The following TMC3 variants were observed in gnomAD, a reference collection of about 807,000 sequenced individuals.
The protein encoded by TMC3 is transmembrane channel-like protein 3.
A neutral mutation model predicts 110.6 loss-of-function variants in TMC3; 98 were observed. The ratio of observed to expected loss-of-function variants is 0.89; its 90% CI spans 0.75 to 1.05. The LOEUF (loss-of-function observed/expected upper bound fraction) is 1.05. Among genes scored for constraint, TMC3 ranks in the 50% least tolerant of loss-of-function variants. The probability of loss-of-function intolerance (pLI) is 0.00; values close to 1 mark genes in which losing one functional copy is unlikely to be tolerated. For synonymous variants in TMC3, 489 were observed against 513.1 expected (o/e 0.95, Z 0.63); for missense variants, 1,319 against 1,373.2 (o/e 0.96, Z 0.62).
At chr15:81,367,650 G>A (rs917710680) in intron 3 of TMC3, among the ~76,000 whole-genome samples, 14 of 152,118 alleles carry the variant, frequency 9.2e-5, no homozygotes, top group African/African-American at 3.1e-4. Flanking sequence ...TCAAACCTAC[G>A]AATATGGGTG....
intron 7 of TMC3, among the ~76,000 whole-genome samples, chr15:81,357,354 A>C (rs781648631): frequency 2.0e-5 from 3 of 151,820 alleles, no homozygotes; most frequent in Non-Finnish European, 4.4e-5. Flanking sequence ...AACATGCCAC[A>C]AGGGGGTTGG....
chr15:81,338,193 T>G (rs1450014565), intron 18 of TMC3, among the ~76,000 whole-genome samples: 1 of 152,216 alleles, frequency 6.6e-6, no homozygotes, highest in Non-Finnish European at 1.5e-5. Context: ...AAGGAAGAAC[T>G]GAAAATGGGG....
chr15:81,368,336 A>C lies in TMC3; in HGVS notation c.237-8T>G. The C allele has an allele frequency of 1.2e-6, 2 of 1,610,948 alleles. No homozygotes were observed. Among genetic ancestry groups the C allele is most frequent in the Non-Finnish European group, 1.7e-6 (2 of 1,177,294 alleles). ...ACAATGTTCTTCGCTTGTCTAAGAGAAGAAAAACATGATGGTGAACACAAT... is the reference window on the plus strand; with the variant it reads ...ACAATGTTCTTCGCTTGTCTAAGAGCAGAAAAACATGATGGTGAACACAAT... On this transcript the variant is annotated splice_polypyrimidine_tract_variant and splice_region_variant and intron_variant, in intron 2 of 21. Coordinates refer to ENST00000359440, the MANE Select transcript of TMC3 (RefSeq NM_001080532.3).
At chr15:81,338,052 C>A in intron 18 of TMC3, 128 bp from the exon 19 acceptor site, 1 of 715,326 alleles carries the variant, frequency 1.4e-6, no homozygotes, top group South Asian at 1.6e-5. Context: ...TCCACTGACC[C>A]TCCGCTAAGG....
intron 1 of TMC3, among the ~76,000 whole-genome samples, chr15:81,373,495 T>G (rs1208651637): frequency 1.3e-5 from 2 of 152,202 alleles, no homozygotes; most frequent in African/African-American, 4.8e-5. Flanking sequence ...TTCATGTTGT[T>G]TTTACTCATT....
rs147014119 is a variant in TMC3 at position 81,337,966 on chromosome 15, G to A, written c.2082-42C>T. 2.3e-3 allele frequency: 3,437 copies of A among 1,475,646 alleles called. 54 individuals carry two copies. The African/African-American group carries it at 0.037, about 16-fold the overall frequency. 91.4% of individuals were successfully genotyped at this position (1,475,646 alleles called of 1,614,324 possible). On this transcript the variant is annotated intron_variant, in intron 18 of 21. Coordinates refer to ENST00000359440, the MANE Select transcript of TMC3 (RefSeq NM_001080532.3). The stretch of plus-strand genomic sequence containing the variant: ...CAGGACAATGAGTGGACTGCAACTC[G>A]CTTTTCTGCTTTTCAGACCACATTC...
In TMC3 at chr15:81,358,404, C is replaced by G. The variant is rs753601561; in HGVS notation, c.598G>C (p.Gly200Arg). 15 of 1,612,954 alleles carry G rather than the reference C, an allele frequency of 9.3e-6. No homozygotes were observed. Among genetic ancestry groups the G allele is most frequent in the Non-Finnish European group, 1.3e-5 (15 of 1,179,308 alleles). Residue 200 changes from glycine (G) to arginine (R), a missense_variant and splice_region_variant, in exon 6 of 22, where the codon GGG becomes CGG. Transcript: ENST00000359440. ...GTGTGGCCAAGCATCAATCTCACCC[C>G]CAGAGACCAGACGGTGTCCAGGTCT... is the stretch of plus-strand genomic sequence containing the variant. Reference protein sequence around the residue: ...AQDLDTVWSLGGYLQYSVLFY... With the variant: ...AQDLDTVWSLRGYLQYSVLFY...
chr15:81,345,023 G>A lies in TMC3; in HGVS notation c.1273-12C>T, dbSNP rs1004622355. 18 of 1,554,100 alleles carry A rather than the reference G, an allele frequency of 1.2e-5. No individual in the cohort carries two copies. Among genetic ancestry groups the A allele is most frequent in the Middle Eastern group, 3.3e-4 (2 of 6,010 alleles). On this transcript the variant is annotated splice_polypyrimidine_tract_variant and intron_variant, in intron 12 of 21. Coordinates refer to ENST00000359440, the MANE Select transcript of TMC3 (RefSeq NM_001080532.3). ...TTGGTAGCCATTTCCTGGGGAGAGAGAGAGAGAGAGAGAGGGAAGCAGGGG... is the reference window on the plus strand; with the variant it reads ...TTGGTAGCCATTTCCTGGGGAGAGAAAGAGAGAGAGAGAGGGAAGCAGGGG...
chr15:81,349,332 G>T, intron 11 of TMC3, 126 bp downstream of exon 11: 1 of 494,510 alleles, frequency 2.0e-6, no homozygotes, highest in South Asian at 8.0e-5. Context: ...GCATCCATAG[G>T]TAAAGTTCTG....
At chr15:81,343,111 G>C (rs1893749730) in intron 15 of TMC3, 167 bp downstream of exon 15, 1 of 485,120 alleles carries the variant, frequency 2.1e-6, no homozygotes, top group Admixed American at 3.5e-5. Flanking sequence ...AAAATTCTTA[G>C]GAAACCATTA....
At chr15:81,367,470 T>C (rs1894340613) in intron 3 of TMC3, among the ~76,000 whole-genome samples, 1 of 152,238 alleles carries the variant, frequency 6.6e-6, no homozygotes, top group South Asian at 2.1e-4. Context: ...TCTACACATT[T>C]ATGAAATGAC....
In TMC3 at chr15:81,365,878, C is replaced by G. The variant is rs779082384; in HGVS notation, c.312+2375G>C. Among the ~76,000 whole-genome samples, 103 of 152,032 alleles carry G rather than the reference C, an allele frequency of 6.8e-4. 1 individual carries two copies. The highest frequency in any genetic ancestry group is 9.6e-4 in the Non-Finnish European group (65 of 68,012). ...ATAGTTCATGAAAAGTATATTTATT[C>G]ATAGTATGTGTTAAGCACCTAGATT... On this transcript the variant is annotated intron_variant, in intron 3 of 21. Transcript: ENST00000359440.
chr15:81,338,192 C>T (rs1313397320), intron 18 of TMC3, among the ~76,000 whole-genome samples: 1 of 152,178 alleles, frequency 6.6e-6, no homozygotes, highest in East Asian at 1.9e-4. Context: ...TAAGGAAGAA[C>T]TGAAAATGGG....
chr15:81,361,593 T>C (rs894821610), intron 4 of TMC3, among the ~76,000 whole-genome samples: 6 of 152,230 alleles, frequency 3.9e-5, no homozygotes, highest in Admixed American at 2.0e-4. Context: ...TTTTGTTAAA[T>C]ACTTGGTAAC....
At chr15:81,344,193 T>C (rs1567063135) in intron 13 of TMC3, 148 bp from the exon 14 acceptor site, 11 of 772,278 alleles carry the variant, frequency 1.4e-5, no homozygotes, top group South Asian at 1.9e-5. Context: ...TCTTTGTAAG[T>C]TGCAGTGGGC....
chr15:81,340,913 G>A (rs1341186814), intron 16 of TMC3, among the ~76,000 whole-genome samples: 2 of 152,250 alleles, frequency 1.3e-5, no homozygotes, highest in Non-Finnish European at 2.9e-5. Context: ...AATGTTGCGT[G>A]TAAGCAGTTG....
At position 81,332,906 on chromosome 15, in the gene TMC3, G is replaced by T. The variant is rs1325118707; in HGVS notation, c.2816C>A (p.Pro939Gln). The change falls in exon 22 of 22, where the codon CCA becomes CAA. Residue 939 changes from proline to glutamine, a missense_variant. Pro to Gln is a moderately conservative substitution (Grantham distance 76). Coordinates refer to ENST00000359440, the MANE Select transcript of TMC3 (RefSeq NM_001080532.3). ...CTCCTCCTCTTCTTCACTCAGCTGT[G>T]GGGAGGGAGGCTGGCGGGGGACCCG... ...ASRVPRQPPS[P>Q]QLSEEEEETP... 6.2e-7 allele frequency: 1 copy of T among 1,613,198 alleles called. No homozygotes were observed. The highest frequency in any genetic ancestry group is 8.5e-7 in the Non-Finnish European group (1 of 1,179,836).
In TMC3 at chr15:81,374,149, C is replaced by T. The variant is rs560675590; in HGVS notation, c.-72G>A. ...GAAGTTGGCAGGCAAAGGTCTGTTC[C>T]GAGGTTTCTGAATGGAAGCAGCGGA... On this transcript the variant is annotated 5_prime_UTR_variant, in exon 1 of 22. Transcript: ENST00000359440. 488 of 1,402,532 alleles carry T rather than the reference C, an allele frequency of 3.5e-4. 4 individuals carry two copies. The Middle Eastern group carries it at 3.5e-3, about 10-fold the overall frequency. The allele number at this position is 1,402,532 out of a possible 1,614,324, so 86.9% of individuals were successfully genotyped here.
intron 3 of TMC3, among the ~76,000 whole-genome samples, chr15:81,367,805 C>T (rs1026141596): frequency 1.3e-5 from 2 of 152,198 alleles, no homozygotes; most frequent in Non-Finnish European, 2.9e-5. Flanking sequence ...ACTCTATCAT[C>T]CTGATCTACA....
Sources: gnomAD v4.1 joint callset for allele counts (sites outside exome capture counted in the v4.1 genomes callset) on GRCh38, gnomAD v4.1.1 for gene constraint, MANE v1.5 for transcripts, NCBI Gene and HGNC (gene_info 2026-07-23, HGNC 2026-07-21) for gene names.